CHD9: variants seen among roughly 807,000 people sequenced by gnomAD.
CHD9 encodes the protein chromodomain helicase DNA binding protein 9.
Under a neutral mutation model 316.1 loss-of-function variants are expected in CHD9, and 77 were observed. The ratio of observed to expected loss-of-function variants is 0.24; its 90% CI spans 0.20 to 0.29. The LOEUF (loss-of-function observed/expected upper bound fraction) is 0.29, where lower values mean the gene tolerates loss of function less well. Among genes scored for constraint, CHD9 ranks in the 10% least tolerant of loss-of-function variants. The pLI is 1.00. For missense variants in CHD9, 2,763 were observed against 3,438.1 expected (o/e 0.80, Z 4.91); for synonymous variants, 1,129 against 1,158.3 (o/e 0.97, Z 0.51).
At chr16:53,200,940 C>T (rs1438891592) in intron 2 of CHD9, among the ~76,000 whole-genome samples, 1 of 152,148 alleles carries the variant, frequency 6.6e-6, no homozygotes, top group Non-Finnish European at 1.5e-5. Context: ...ATTTGTATGC[C>T]TGACACCATG....
chr16:53,318,448 G>A, intron 37 of CHD9, 108 bp downstream of exon 37: 1 of 826,070 alleles, frequency 1.2e-6, no homozygotes, highest in Non-Finnish European at 1.8e-6. Context: ...CTGGAAATGA[G>A]TTGAATCTAT....
chr16:53,323,709 G>C (rs1415046900), intron 38 of CHD9, among the ~76,000 whole-genome samples: 1 of 152,048 alleles, frequency 6.6e-6, no homozygotes, highest in African/African-American at 2.4e-5. Flanking sequence ...GGTTATGGAA[G>C]TACCCATGAA....
intron 2 of CHD9, among the ~76,000 whole-genome samples, chr16:53,199,951 T>C (rs1294825276): frequency 6.6e-6 from 1 of 152,108 alleles, no homozygotes; most frequent in Non-Finnish European, 1.5e-5. Flanking sequence ...AAGAAAGTAA[T>C]ATCGGCTGGC....
At chr16:53,134,109 AT>A (rs1308472590) in intron 1 of CHD9, among the ~76,000 whole-genome samples, 1 of 152,208 alleles carries the variant, frequency 6.6e-6, no homozygotes, top group Non-Finnish European at 1.5e-5. Context: ...AAGAAAAACT[AT>A]GAATTAATCT....
chr16:53,132,517 A>G (rs188155055), intron 1 of CHD9, among the ~76,000 whole-genome samples: 53 of 152,338 alleles, frequency 3.5e-4, no homozygotes, highest in African/African-American at 1.3e-3. Flanking sequence ...TAGGTCTGCA[A>G]ACACTTGAAT....
At chr16:53,266,234 C>CTA (rs1458996545) in intron 20 of CHD9, among the ~76,000 whole-genome samples, 2 of 151,958 alleles carry the variant, frequency 1.3e-5, no homozygotes, top group Non-Finnish European at 2.9e-5. Context: ...AAAAGGAAAA[C>CTA]TAGTAACTTC....
At chr16:53,273,373 C>A (rs879169463) in intron 22 of CHD9, among the ~76,000 whole-genome samples, 5 of 152,028 alleles carry the variant, frequency 3.3e-5, no homozygotes, top group African/African-American at 1.2e-4. Context: ...AAAAAATAAT[C>A]TGTTTTGGAA....
intron 1 of CHD9, among the ~76,000 whole-genome samples, chr16:53,079,571 C>T (rs2034839177): frequency 6.6e-6 from 1 of 152,178 alleles, no homozygotes; most frequent in Non-Finnish European, 1.5e-5. Flanking sequence ...AGCCCCTTTC[C>T]ATTATACCTC....
chr16:53,178,063 C>T (rs1480857367), intron 2 of CHD9, among the ~76,000 whole-genome samples: 2 of 152,194 alleles, frequency 1.3e-5, no homozygotes, highest in Non-Finnish European at 2.9e-5. Context: ...CAGGCAGGTT[C>T]TGCAAGTGGG....
At chr16:53,172,224 T>C (rs2042812764) in intron 2 of CHD9, among the ~76,000 whole-genome samples, 1 of 152,154 alleles carries the variant, frequency 6.6e-6, no homozygotes, top group African/African-American at 2.4e-5. Context: ...AGACAACCAC[T>C]GATCTGATTT....
intron 1 of CHD9, among the ~76,000 whole-genome samples, chr16:53,061,710 G>C (rs745563780): frequency 2.0e-5 from 3 of 152,202 alleles, no homozygotes; most frequent in Non-Finnish European, 2.9e-5. Flanking sequence ...ATTGAGGGTT[G>C]TCTTGCTAAC....
At chr16:53,227,165 A>G in intron 5 of CHD9, 1 of 338,534 alleles carries the variant, frequency 3.0e-6, no homozygotes, top group East Asian at 7.1e-5. Context: ...AATAATGACC[A>G]GCACATTAAA....
chr16:53,082,480 A>G (rs2035113514), intron 1 of CHD9, among the ~76,000 whole-genome samples: 1 of 152,150 alleles, frequency 6.6e-6, no homozygotes, highest in South Asian at 2.1e-4. Context: ...GGCTCAGGTG[A>G]TCTTCCCACC....
At chr16:53,208,628 A>C (rs1276956450) in intron 2 of CHD9, 3 of 996,388 alleles carry the variant, frequency 3.0e-6, no homozygotes, top group African/African-American at 3.5e-5. Context: ...TATCCAGTGA[A>C]GCACACTGGA....
At chr16:53,058,711 A>G (rs184850433) in intron 1 of CHD9, among the ~76,000 whole-genome samples, 92 of 152,276 alleles carry the variant, frequency 6.0e-4, no homozygotes, top group African/African-American at 2.0e-3. Flanking sequence ...CCTTTGAGAG[A>G]TGATGAAATT....
chr16:53,157,427 A>G lies in CHD9; in HGVS notation c.1338A>G (p.Thr446=). The change falls in exon 2 of 39, where the codon ACA becomes ACG. Residue 446 remains threonine, a synonymous_variant. Transcript: ENST00000447540. ...GGCAGTTTACTTCGCATCTGGTAACACGGCCTTCTGATATGGCTCAGACTC... is the reference window on the plus strand; with the variant it reads ...GGCAGTTTACTTCGCATCTGGTAACGCGGCCTTCTGATATGGCTCAGACTC... The part of the protein sequence containing the change: ...LDRQFTSHLV[T]RPSDMAQTQL... 6.2e-7 allele frequency: 1 copy of G among 1,613,992 alleles called. No homozygotes were observed. The highest frequency in any genetic ancestry group is 8.5e-7 in the Non-Finnish European group (1 of 1,179,890).
chr16:53,217,956 C>CTTTT (rs1007751418), intron 3 of CHD9, among the ~76,000 whole-genome samples: 1 of 115,746 alleles, frequency 8.6e-6, no homozygotes, highest in African/African-American at 3.8e-5. Context: ...TTCTTTCTTT[C>CTTTT]TTTTTTTTTT....
chr16:53,307,440 T>A (rs1223058128), intron 32 of CHD9, among the ~76,000 whole-genome samples: 1 of 152,064 alleles, frequency 6.6e-6, no homozygotes, highest in Non-Finnish European at 1.5e-5. Flanking sequence ...GTGCTGGGAT[T>A]ACAGACAGGT....
At position 53,209,585 on chromosome 16, in the gene CHD9, C is replaced by A; in HGVS notation, c.1556C>A (p.Ser519Ter). The A allele has an allele frequency of 6.2e-7, 1 of 1,613,798 alleles. No individual in the cohort carries two copies. The highest frequency in any genetic ancestry group is 1.1e-5 in the South Asian group (1 of 91,072). ...SEKKQRKKVE[S>*]ESKQEKANRI... ...AAGAAGCAGAGAAAAAAGGTGGAAT[C>A]AGAAAGCAAGCAAGAAAAGGCTAAT... Residue 519 changes from serine (S) to a stop codon, truncating the protein, a stop_gained, in exon 3 of 39, where the codon TCA (serine) becomes TAA (stop). Transcript: ENST00000447540. LOFTEE classifies it high-confidence loss of function.
Sources: allele counts gnomAD v4.1 joint callset (sites outside exome capture counted in the v4.1 genomes callset), GRCh38; gene constraint gnomAD v4.1.1; transcripts MANE v1.5; gene names NCBI Gene and HGNC (gene_info 2026-07-23, HGNC 2026-07-21).